Variants in HERC3 observed in about 807,000 individuals in gnomAD.
The protein encoded by HERC3 is HECT and RLD domain containing E3 ubiquitin protein ligase 3.
In HERC3, 58 loss-of-function variants were observed where a neutral mutation model predicts 129.9. The observed-to-expected ratio is 0.45, with a 90% CI of 0.36 to 0.56. The LOEUF (loss-of-function observed/expected upper bound fraction) is 0.56, where lower values mean the gene tolerates loss of function less well. Among genes scored for constraint, HERC3 ranks in the 20% least tolerant of loss-of-function variants. The pLI, the probability that HERC3 is intolerant of heterozygous loss-of-function variation, is 0.00. For missense variants in HERC3, 835 were observed against 1,244.2 expected, an observed-to-expected ratio of 0.67 and a Z score of 4.95; for synonymous variants, 430 against 451.0, an observed-to-expected ratio of 0.95 and a Z score of 0.59.
chr4:88,638,396 G>T (rs777184266), intron 3 of HERC3, among the ~76,000 whole-genome samples: 1 of 152,174 alleles, frequency 6.6e-6, no homozygotes, highest in African/African-American at 2.4e-5. Context: ...TATTTACCAC[G>T]ATCAAGTCAG....
At chr4:88,659,501 T>C (rs947206186) in intron 10 of HERC3, among the ~76,000 whole-genome samples, 3 of 152,222 alleles carry the variant, frequency 2.0e-5, no homozygotes, top group African/African-American at 7.2e-5. Context: ...AGCTGATGAT[T>C]AGCTATTTTC....
chr4:88,540,237 A>G, the HERC3 span, among the ~76,000 whole-genome samples: 1 of 152,238 alleles, frequency 6.6e-6, no homozygotes, highest in Non-Finnish European at 1.5e-5. Flanking sequence ...AGTGTAGTGT[A>G]GAGAAGACCT....
intron 10 of HERC3, among the ~76,000 whole-genome samples, chr4:88,659,875 T>C (rs1329622398): frequency 6.6e-6 from 1 of 152,178 alleles, no homozygotes; most frequent in Non-Finnish European, 1.5e-5. Context: ...ATTTTTATTA[T>C]TGTAATCAAC....
Position 88,595,594 on chromosome 4 carries a change from A to G in HERC3, c.-50A>G, listed in dbSNP as rs1223688598. 1 of 152,212 alleles carries G rather than the reference A, an allele frequency of 6.6e-6. No individual in the cohort carries two copies. Among genetic ancestry groups the G allele is most frequent in the African/African-American group, 2.4e-5 (1 of 41,448 alleles). 9.4% of individuals were successfully genotyped at this position (152,212 alleles called of 1,614,324 possible). On this transcript the variant is annotated 5_prime_UTR_variant, in exon 2 of 26. The change abolishes an upstream ATG in the 5' untranslated region. Transcript: ENST00000402738. ...TGGAATATTTCTGGCTTCTAGTCCA[A>G]TGCCAAGTGTGTGACCTGTGGTGAG...
At chr4:88,608,415 G>A (rs1179833306) in intron 3 of HERC3, among the ~76,000 whole-genome samples, 1 of 152,174 alleles carries the variant, frequency 6.6e-6, no homozygotes, top group Non-Finnish European at 1.5e-5. Context: ...CAAGGAAGGG[G>A]TTTGTAGAGT....
the HERC3 span, among the ~76,000 whole-genome samples, chr4:88,562,388 A>G: frequency 6.6e-6 from 1 of 152,078 alleles, no homozygotes; most frequent in Admixed American, 6.6e-5. Flanking sequence ...CTCCTCATGT[A>G]TTCATTCTAG....
At position 88,659,998 on chromosome 4, in the gene HERC3, A is replaced by G. The variant is rs115428893; in HGVS notation, c.1146+1507A>G. On this transcript the variant is annotated intron_variant, in intron 10 of 25. Transcript: ENST00000402738. Reference sequence around the variant, plus strand: ...CTGGAAAGAGGGATAGGTATGCATGAAAAGTGTAAGATCACAAAGAAAAAG... The same window carrying G: ...CTGGAAAGAGGGATAGGTATGCATGGAAAGTGTAAGATCACAAAGAAAAAG... Among the ~76,000 whole-genome samples the G allele has an allele frequency of 4.1e-3, 619 of 152,306 alleles. 6 individuals carry two copies. Among genetic ancestry groups the G allele is most frequent in the African/African-American group, 0.014 (583 of 41,556 alleles).
the HERC3 span, among the ~76,000 whole-genome samples, chr4:88,570,398 CTT>C: frequency 2.2e-4 from 33 of 152,266 alleles, no homozygotes; most frequent in African/African-American, 7.7e-4. Context: ...GGTTTACTAT[CTT>C]ATACAAATGT....
intron 3 of HERC3, among the ~76,000 whole-genome samples, chr4:88,646,892 A>G (rs1324924737): frequency 6.6e-6 from 1 of 152,194 alleles, no homozygotes; most frequent in East Asian, 1.9e-4. Flanking sequence ...GCATTGCTGA[A>G]CAGTATTTCT....
chr4:88,564,323 C>A, the HERC3 span, among the ~76,000 whole-genome samples: 67 of 152,222 alleles, frequency 4.4e-4, no homozygotes, highest in African/African-American at 1.5e-3. Flanking sequence ...TGGAAGTACT[C>A]CCTTCTCTAT....
the HERC3 span, among the ~76,000 whole-genome samples, chr4:88,539,407 A>AGGCTTG: frequency 6.6e-6 from 1 of 152,162 alleles, no homozygotes; most frequent in Non-Finnish European, 1.5e-5. Context: ...TAGGTAAACA[A>AGGCTTG]AGCAGCCAGG....
Position 88,676,353 on chromosome 4 carries a change from C to T in HERC3, c.1955C>T (p.Ser652Phe). ...TTCTAGGATACTGTAACACTTTGTT[C>T]CTACCCTTTCATCTTTGATGCCCAA... Reference protein sequence around the residue: ...SIIQDTVTLCSYPFIFDAQAK... With the variant: ...SIIQDTVTLCFYPFIFDAQAK... Residue 652 changes from serine to phenylalanine, a missense_variant, in exon 18 of 26, where the codon TCC becomes TTC. By Grantham distance (155) the Ser-to-Phe change is radical (BLOSUM62 -2). Coordinates refer to ENST00000402738, the MANE Select transcript of HERC3 (RefSeq NM_014606.3). 6.2e-7 allele frequency: 1 copy of T among 1,612,120 alleles called. No individual in the cohort carries two copies. Among genetic ancestry groups the T allele is most frequent in the Non-Finnish European group, 8.5e-7 (1 of 1,178,356 alleles).
chr4:88,607,328 G>C (rs1386644709), intron 3 of HERC3, among the ~76,000 whole-genome samples: 2 of 152,214 alleles, frequency 1.3e-5, no homozygotes, highest in Non-Finnish European at 2.9e-5. Flanking sequence ...GTGAGACTGG[G>C]AAGAGAGGGT....
At chr4:88,607,541 G>C (rs887816682) in intron 3 of HERC3, among the ~76,000 whole-genome samples, 1 of 151,956 alleles carries the variant, frequency 6.6e-6, no homozygotes, top group African/African-American at 2.4e-5. Context: ...TTGAGTCACC[G>C]CAACCTCCGC....
the HERC3 span, chr4:88,525,010 G>A: frequency 1.4e-5 from 2 of 145,670 alleles, no homozygotes; most frequent in Non-Finnish European, 3.0e-5. Context: ...TTGTTTTTTG[G>A]GCCATCCTGT....
chr4:88,647,992 G>T (rs1728881636), intron 3 of HERC3, among the ~76,000 whole-genome samples: 1 of 151,896 alleles, frequency 6.6e-6, no homozygotes, highest in Non-Finnish European at 1.5e-5. Flanking sequence ...CTTCCCCAAA[G>T]AGTTAATCTT....
intron 3 of HERC3, among the ~76,000 whole-genome samples, chr4:88,619,369 G>C (rs745557732): frequency 1.1e-4 from 16 of 152,204 alleles, no homozygotes; most frequent in South Asian, 4.1e-4. Flanking sequence ...TGATAACAGG[G>C]CATTTCAGTG....
chr4:88,621,043 A>AATAAGGGC (rs1725453580), intron 3 of HERC3, among the ~76,000 whole-genome samples: 1 of 152,178 alleles, frequency 6.6e-6, no homozygotes, highest in Non-Finnish European at 1.5e-5. Flanking sequence ...GCTCCACGAG[A>AATAAGGGC]ATAAGGGCAT....
chr4:88,611,347 A>G (rs1354815546), intron 3 of HERC3, among the ~76,000 whole-genome samples: 1 of 152,204 alleles, frequency 6.6e-6, no homozygotes, highest in African/African-American at 2.4e-5. Flanking sequence ...CATGACCTGG[A>G]GAGCTGCTAG....
Sources: gnomAD v4.1 joint callset for allele counts (sites outside exome capture counted in the v4.1 genomes callset) on GRCh38, gnomAD v4.1.1 for gene constraint, MANE v1.5 for transcripts, NCBI Gene and HGNC (gene_info 2026-07-23, HGNC 2026-07-21) for gene names.